NCKAP1L: variants seen among roughly 807,000 people sequenced by gnomAD.
The protein encoded by NCKAP1L is nck-associated protein 1-like.
A neutral mutation model predicts 139.2 loss-of-function variants in NCKAP1L; 53 were observed. The observed-to-expected ratio is 0.38, with a 90% CI of 0.31 to 0.48. The LOEUF is 0.48. NCKAP1L is among the 20% of genes least tolerant of loss of function. The probability of loss-of-function intolerance (pLI) is 0.98; values close to 1 mark genes in which losing one functional copy is unlikely to be tolerated. For synonymous variants in NCKAP1L, 468 were observed against 499.7 expected, an observed-to-expected ratio of 0.94 and a Z score of 0.85; for missense variants, 1,151 against 1,381.9, an observed-to-expected ratio of 0.83 and a Z score of 2.65.
chr12:54,508,362 T>C (rs762899642), intron 4 of NCKAP1L, 27 bp from the exon 5 acceptor site: 44 of 1,613,442 alleles, frequency 2.7e-5, no homozygotes, highest in Non-Finnish European at 3.5e-5. Flanking sequence ...CATGCTGTCC[T>C]TGGGTTCCTA....
At chr12:54,539,080 T>A in intron 30 of NCKAP1L, 107 bp downstream of exon 30, 1 of 898,256 alleles carries the variant, frequency 1.1e-6, no homozygotes, top group East Asian at 2.6e-5. Context: ...CCAAAAGCAT[T>A]AACTAAGGAC....
At chr12:54,525,405 A>G (rs970186036) in intron 20 of NCKAP1L, among the ~76,000 whole-genome samples, 1 of 152,224 alleles carries the variant, frequency 6.6e-6, no homozygotes, top group African/African-American at 2.4e-5. Context: ...AACTATAAGG[A>G]AGAAAGTGTC....
At chr12:54,517,038 A>G in intron 11 of NCKAP1L, 46 bp downstream of exon 11, 1 of 1,538,344 alleles carries the variant, frequency 6.5e-7, no homozygotes, top group Non-Finnish European at 9.0e-7. Context: ...CAGTGATAAG[A>G]GACTGTGTAG....
In NCKAP1L at chr12:54,538,921, C is replaced by G. The variant is rs759391452; in HGVS notation, c.3221C>G (p.Thr1074Ser). The G allele has an allele frequency of 6.2e-7, 1 of 1,614,076 alleles. No individual in the cohort carries two copies. Among genetic ancestry groups the G allele is most frequent in the Non-Finnish European group, 8.5e-7 (1 of 1,179,944 alleles). Residue 1074 changes from threonine to serine, a missense_variant, in exon 30 of 31, where the codon ACT (threonine) becomes AGT (serine). Transcript: ENST00000293373. ...AGCCTCTTGCAGCTGGGCCAGGAGA[C>G]TGACAAGCTTAAAACCAGAAATCGA... ...SVSLLQLGQE[T>S]DKLKTRNRES... is the part of the protein sequence containing the mutation.
At chr12:54,538,179 T>A (rs915644587) in intron 29 of NCKAP1L, among the ~76,000 whole-genome samples, 4 of 152,222 alleles carry the variant, frequency 2.6e-5, no homozygotes, top group African/African-American at 9.6e-5. Context: ...ACCCTCATTC[T>A]GAGAAGTACA....
At chr12:54,500,907 T>C (rs1308514764) in intron 3 of NCKAP1L, 1 of 251,788 alleles carries the variant, frequency 4.0e-6, no homozygotes, top group East Asian at 9.4e-5. Context: ...TAACTACCTT[T>C]GGGGACTGAT....
chr12:54,510,130 T>C, intron 7 of NCKAP1L, 145 bp downstream of exon 7: 1 of 1,174,582 alleles, frequency 8.5e-7, no homozygotes, highest in Non-Finnish European at 1.2e-6. Flanking sequence ...GAGCACTTCT[T>C]GTAGCTAAAA....
rs1168848856 is a variant in NCKAP1L, at chr12:54,547,121, G to A, written c.*4436G>A. 2.6e-5 allele frequency: 4 copies of A among 152,278 alleles called. No individual in the cohort carries two copies. In the South Asian group the frequency reaches 8.3e-4, roughly 32 times the overall value. The allele number at this position is 152,278 out of a possible 1,614,324, so 9.4% of individuals were successfully genotyped here. ...GTGGGGGATGAGGACAAGAGGAAAA[G>A]ACAGGGAGAGAATAGTTGTCTTTTG... On this transcript the variant is annotated 3_prime_UTR_variant, in exon 31 of 31. Transcript: ENST00000293373.
chr12:54,511,898 A>G, intron 8 of NCKAP1L, 47 bp downstream of exon 8: 1 of 1,614,098 alleles, frequency 6.2e-7, no homozygotes, highest in Non-Finnish European at 8.5e-7. Flanking sequence ...AGTATGTTAT[A>G]TGAAGAACAA....
chr12:54,523,987 C>T, intron 20 of NCKAP1L, 31 bp downstream of exon 20: 2 of 1,604,526 alleles, frequency 1.2e-6, no homozygotes, highest in South Asian at 1.1e-5. Context: ...TCTGTTTGGA[C>T]AGTAGTCTTC....
chr12:54,543,723 T>C lies in NCKAP1L; in HGVS notation c.*1038T>C, dbSNP rs1957177560. The C allele has an allele frequency of 6.6e-6, 1 of 152,190 alleles. No individual in the cohort carries two copies. 9.4% of individuals were successfully genotyped at this position (152,190 alleles called of 1,614,324 possible). ...TCTGCGCTAATTAGAATTTCAAGCG[T>C]CACAGAGCCTGGGGGCTTTCAAGAT... is the stretch of plus-strand genomic sequence containing the variant. On this transcript the variant is annotated 3_prime_UTR_variant, in exon 31 of 31. Coordinates refer to ENST00000293373, the MANE Select transcript of NCKAP1L (RefSeq NM_005337.5).
chr12:54,523,577 C>A (rs1390598174), intron 19 of NCKAP1L, 38 bp downstream of exon 19: 7 of 1,576,194 alleles, frequency 4.4e-6, no homozygotes, highest in South Asian at 1.2e-5. Context: ...CTGGGTACTG[C>A]ATCAAAGAAG....
At chr12:54,531,608 T>C (rs974051846) in intron 24 of NCKAP1L, 24 bp downstream of exon 24, 1 of 1,611,966 alleles carries the variant, frequency 6.2e-7, no homozygotes, top group Non-Finnish European at 8.5e-7. Context: ...TCCCCTATAG[T>C]GAGAAGGAGC....
intron 3 of NCKAP1L, among the ~76,000 whole-genome samples, chr12:54,505,809 TGC>T (rs1258746694): frequency 6.6e-6 from 1 of 152,050 alleles, no homozygotes; most frequent in Non-Finnish European, 1.5e-5. Flanking sequence ...ATTACAGGAA[TGC>T]GCCACCACAC....
chr12:54,504,154 C>T (rs945558267), intron 3 of NCKAP1L, among the ~76,000 whole-genome samples: 1 of 152,012 alleles, frequency 6.6e-6, no homozygotes, highest in African/African-American at 2.4e-5. Context: ...TTAAACTTGT[C>T]GGTATTTTCT....
chr12:54,512,800 GTAAT>G (rs1261794203), intron 9 of NCKAP1L, among the ~76,000 whole-genome samples: 2 of 148,562 alleles, frequency 1.3e-5, no homozygotes, highest in African/African-American at 5.2e-5. Context: ...GTATGTGTGA[GTAAT>G]TGTGTGTGTG....
At chr12:54,516,435 T>TTTTTC in intron 10 of NCKAP1L, 140 bp downstream of exon 10, 2 of 763,266 alleles carry the variant, frequency 2.6e-6, no homozygotes, top group Non-Finnish European at 4.3e-6. Flanking sequence ...CATAAATTCT[T>TTTTTC]TTTTCTTTTC....
At chr12:54,507,943 G>C in intron 4 of NCKAP1L, 34 bp downstream of exon 4, 1 of 1,606,008 alleles carries the variant, frequency 6.2e-7, no homozygotes, top group Middle Eastern at 1.7e-4. Context: ...CTATCGTAGA[G>C]TCAAAGAAAA....
chr12:54,527,962 G>A (rs1272458069), intron 21 of NCKAP1L, among the ~76,000 whole-genome samples: 2 of 152,190 alleles, frequency 1.3e-5, no homozygotes, highest in Non-Finnish European at 2.9e-5. Context: ...TACAGCTGTT[G>A]GAAAAGAGCA....
Sources: gnomAD v4.1 joint callset for allele counts (sites outside exome capture counted in the v4.1 genomes callset) on GRCh38, gnomAD v4.1.1 for gene constraint, MANE v1.5 for transcripts, NCBI Gene and HGNC (gene_info 2026-07-23, HGNC 2026-07-21) for gene names.